Variants in TGM4 observed in about 807,000 individuals in gnomAD.
The protein encoded by TGM4 is protein-glutamine gamma-glutamyltransferase 4.
TGM4 carries 61 observed loss-of-function variants against 76.3 expected under a neutral mutation model. The ratio of observed to expected loss-of-function variants is 0.80; its 90% CI spans 0.65 to 0.99. The LOEUF is 0.99. Among genes scored for constraint, TGM4 ranks in the 50% least tolerant of loss-of-function variants. The probability of loss-of-function intolerance (pLI) is 0.00; values close to 1 mark genes in which losing one functional copy is unlikely to be tolerated. For missense variants in TGM4, 794 were observed against 843.2 expected, an observed-to-expected ratio of 0.94 and a Z score of 0.72; for synonymous variants, 337 against 329.8, an observed-to-expected ratio of 1.02 and a Z score of -0.24.
intron 11 of TGM4, 131 bp from the exon 12 acceptor site, chr3:44,910,827 A>G: frequency 2.0e-6 from 2 of 995,948 alleles, no homozygotes; most frequent in Non-Finnish European, 2.9e-6. Flanking sequence ...TTCTAAAGAG[A>G]GTATGGGACA....
intron 10 of TGM4, among the ~76,000 whole-genome samples, chr3:44,909,530 G>A (rs1222766158): frequency 1.3e-5 from 2 of 152,210 alleles, no homozygotes; most frequent in East Asian, 3.9e-4. Flanking sequence ...CTCTGTGAAT[G>A]AGGGTTTCCA....
rs1032162481 is a variant in TGM4, at chr3:44,908,741, G to C, written c.1328-1349G>C. Among the ~76,000 whole-genome samples, 7 of 151,120 alleles carry C rather than the reference G, an allele frequency of 4.6e-5. No individual in the cohort carries two copies. The East Asian group carries it at 1.3e-3, about 29-fold the overall frequency. On this transcript the variant is annotated intron_variant, in intron 10 of 13. Transcript: ENST00000296125. ...CATTTGTTCTCACACTTTTTTTTTA[G>C]TTTTTTGAATATATTCAAAATAGCT...
At chr3:44,886,272 T>A (rs943031804) in intron 2 of TGM4, among the ~76,000 whole-genome samples, 1 of 151,678 alleles carries the variant, frequency 6.6e-6, no homozygotes, top group South Asian at 2.1e-4. Context: ...ACCTGGGAGG[T>A]GGAGGTTGCA....
intron 1 of TGM4, among the ~76,000 whole-genome samples, chr3:44,877,981 T>C (rs146972500): frequency 9.9e-4 from 151 of 152,088 alleles, no homozygotes; most frequent in African/African-American, 3.4e-3. Context: ...GGAGACCCCT[T>C]CTTCACAAAA....
At chr3:44,893,489 C>A in intron 4 of TGM4, 88 bp from the exon 5 acceptor site, 2 of 1,138,412 alleles carry the variant, frequency 1.8e-6, no homozygotes, top group South Asian at 1.3e-5. Flanking sequence ...GACCTTGAAT[C>A]TCCCCCAGCA....
chr3:44,879,263 C>CTATATATATA (rs1392219843), intron 1 of TGM4, among the ~76,000 whole-genome samples: 38 of 96,266 alleles, frequency 3.9e-4, no homozygotes, highest in South Asian at 2.9e-3. Context: ...CTCTCTCTCT[C>CTATATATATA]TCTATATATA....
chr3:44,881,533 G>A (rs149592276), intron 1 of TGM4, among the ~76,000 whole-genome samples: 2 of 152,290 alleles, frequency 1.3e-5, no homozygotes, highest in East Asian at 3.9e-4. Context: ...AGGTGGTGCT[G>A]GGCATCACAT....
intron 6 of TGM4, among the ~76,000 whole-genome samples, chr3:44,898,738 C>T (rs1041328934): frequency 6.6e-6 from 1 of 152,152 alleles, no homozygotes; most frequent in Non-Finnish European, 1.5e-5. Context: ...ACGTGGTATG[C>T]CTCATAAATG....
intron 5 of TGM4, 63 bp downstream of exon 5, chr3:44,893,758 G>A (rs1224964992): frequency 5.1e-6 from 7 of 1,371,184 alleles, no homozygotes; most frequent in Non-Finnish European, 6.2e-6. Flanking sequence ...TTTTAGCTGG[G>A]TAGTAGTCAG....
chr3:44,912,128 GC>G (rs1488264328), intron 13 of TGM4, among the ~76,000 whole-genome samples: 8 of 152,366 alleles, frequency 5.3e-5, no homozygotes, highest in African/African-American at 1.9e-4. Context: ...ATCATGCCCG[GC>G]CGAACAGTTT....
chr3:44,885,649 G>A (rs926470134), intron 2 of TGM4, 151 bp downstream of exon 2: 11 of 841,474 alleles, frequency 1.3e-5, no homozygotes, highest in Admixed American at 3.0e-5. Context: ...GAATAATAGC[G>A]GGTGTGAAGA....
At position 44,913,857 on chromosome 3, in the gene TGM4, C is replaced by A; in HGVS notation, c.*132C>A. The A allele has an allele frequency of 7.9e-7, 1 of 1,270,384 alleles. No homozygotes were observed. Among genetic ancestry groups the A allele is most frequent in the Non-Finnish European group, 1.1e-6 (1 of 924,576 alleles). The allele number at this position is 1,270,384 out of a possible 1,614,324, so 78.7% of individuals were successfully genotyped here. A position where few individuals can be genotyped will look rare whatever the true frequency, so the allele number is the denominator to read the frequency against. On this transcript the variant is annotated 3_prime_UTR_variant, in exon 14 of 14. Transcript: ENST00000296125. ...TTCAAGAGCCAGCAGGTCAAAAAGG[C>A]CAACACAACCATAAGCAGCCAGACC...
intron 3 of TGM4, among the ~76,000 whole-genome samples, chr3:44,889,717 G>C (rs1011498884): frequency 1.3e-5 from 2 of 152,156 alleles, no homozygotes; most frequent in African/African-American, 4.8e-5. Flanking sequence ...ATCCTAAAAG[G>C]CTGGATAGAG....
At chr3:44,879,678 G>A (rs915382079) in intron 1 of TGM4, among the ~76,000 whole-genome samples, 4 of 151,698 alleles carry the variant, frequency 2.6e-5, no homozygotes, top group Non-Finnish European at 5.9e-5. Flanking sequence ...GGGTTTCACC[G>A]TGTTGGTCAG....
At chr3:44,911,474 C>T in intron 13 of TGM4, 68 bp downstream of exon 13, 3 of 1,554,932 alleles carry the variant, frequency 1.9e-6, no homozygotes, top group Non-Finnish European at 2.6e-6. Context: ...TGTGCATATT[C>T]CTGAGAAGTG....
rs1364196201 is a variant in TGM4 at position 44,911,003 on chromosome 3, G to A, written c.1652G>A (p.Ser551Asn). 1.2e-6 allele frequency: 2 copies of A among 1,614,158 alleles called. No homozygotes were observed. Among genetic ancestry groups the A allele is most frequent in the Non-Finnish European group, 1.7e-6 (2 of 1,180,026 alleles). ...TTGGACTCCAAGACCTACATCAACA[G>A]CCTGGCTATATTAGATGATGAGCCA... ...LTLDSKTYIN[S>N]LAILDDEPVI... The change falls in exon 12 of 14, where the codon AGC becomes AAC. Residue 551 changes from serine (S) to asparagine (N), a missense_variant. Transcript: ENST00000296125.
chr3:44,898,566 T>C (rs1011409804), intron 6 of TGM4, among the ~76,000 whole-genome samples: 1 of 152,224 alleles, frequency 6.6e-6, no homozygotes, highest in African/African-American at 2.4e-5. Context: ...AAAGGTCCAC[T>C]GAGTTCAGCC....
At chr3:44,911,739 T>G (rs1204998441) in intron 13 of TGM4, among the ~76,000 whole-genome samples, 1 of 152,246 alleles carries the variant, frequency 6.6e-6, no homozygotes, top group Non-Finnish European at 1.5e-5. Context: ...GAGTCATTTA[T>G]TTTTTCATAT....
intron 5 of TGM4, among the ~76,000 whole-genome samples, chr3:44,896,176 A>G (rs988290190): frequency 6.6e-6 from 1 of 152,112 alleles, no homozygotes; most frequent in African/African-American, 2.4e-5. Flanking sequence ...CAATGGCACG[A>G]TCTTGGCTCA....
Sources: allele counts gnomAD v4.1 joint callset (sites outside exome capture counted in the v4.1 genomes callset), GRCh38; gene constraint gnomAD v4.1.1; transcripts MANE v1.5; gene names NCBI Gene and HGNC (gene_info 2026-07-23, HGNC 2026-07-21).